The following SMYD3 variants were observed in gnomAD, a reference collection of about 807,000 sequenced individuals.
SMYD3 encodes SET and MYND domain containing 3, also known as histone-lysine N-methyltransferase SMYD3.
In SMYD3, 36 loss-of-function variants were observed where a neutral mutation model predicts 57.7. That is an observed-to-expected ratio of 0.62 (90% confidence interval 0.48 to 0.82). The LOEUF (loss-of-function observed/expected upper bound fraction) is 0.82. Ranked by LOEUF, SMYD3 falls within the 40% of genes least tolerant of loss-of-function variation. The pLI, the probability that SMYD3 is intolerant of heterozygous loss-of-function variation, is 0.00. For missense variants in SMYD3, 515 were observed against 538.8 expected, an observed-to-expected ratio of 0.96 and a Z score of 0.44; for synonymous variants, 211 against 195.0, an observed-to-expected ratio of 1.08 and a Z score of -0.68.
At chr1:246,054,078 C>T (rs1222902289) in intron 5 of SMYD3, among the ~76,000 whole-genome samples, 1 of 152,094 alleles carries the variant, frequency 6.6e-6, no homozygotes, top group Non-Finnish European at 1.5e-5. Flanking sequence ...AACTCAACAA[C>T]ATGAAAACAA....
chr1:245,779,469 C>G (rs1185443084), intron 10 of SMYD3, among the ~76,000 whole-genome samples: 1 of 152,210 alleles, frequency 6.6e-6, no homozygotes, highest in Non-Finnish European at 1.5e-5. Flanking sequence ...CAGGCTAGTT[C>G]TCCATCCTCC....
Position 246,213,410 on chromosome 1 carries a change from G to A in SMYD3, c.531+113791C>T, listed in dbSNP as rs2063118810. ...AAAACTCCAGTGAGTTTTGAGTCAGGTTATCTCCTAAGTCCGTGTTTCCAC... is the reference window on the plus strand; with the variant it reads ...AAAACTCCAGTGAGTTTTGAGTCAGATTATCTCCTAAGTCCGTGTTTCCAC... On this transcript the variant is annotated intron_variant, in intron 5 of 11. Coordinates refer to ENST00000490107, the MANE Select transcript of SMYD3 (RefSeq NM_001167740.2). 1.3e-5 allele frequency among the ~76,000 whole-genome samples: 2 copies of A among 152,186 alleles called. 1 individual carries two copies. Among genetic ancestry groups the A allele is most frequent in the African/African-American group, 4.8e-5 (2 of 41,412 alleles).
chr1:246,500,699 C>G (rs1299253753), intron 1 of SMYD3, among the ~76,000 whole-genome samples: 1 of 148,154 alleles, frequency 6.7e-6, no homozygotes, highest in Non-Finnish European at 1.5e-5. Flanking sequence ...AGCCTCTATC[C>G]CCGTCCCCAT....
intron 8 of SMYD3, among the ~76,000 whole-genome samples, chr1:245,873,045 G>A (rs1285266385): frequency 6.6e-6 from 1 of 151,970 alleles, no homozygotes; most frequent in Admixed American, 6.6e-5. Context: ...AATAAAAACA[G>A]CATCTACACG....
At chr1:246,128,248 A>C (rs2061537239) in intron 5 of SMYD3, among the ~76,000 whole-genome samples, 1 of 152,096 alleles carries the variant, frequency 6.6e-6, no homozygotes, top group Non-Finnish European at 1.5e-5. Flanking sequence ...CTCTATTACG[A>C]TGTTCAGTTT....
intron 1 of SMYD3, among the ~76,000 whole-genome samples, chr1:246,358,145 A>G (rs2065934509): frequency 6.6e-6 from 1 of 152,244 alleles, no homozygotes; most frequent in Non-Finnish European, 1.5e-5. Flanking sequence ...AATGGGCACC[A>G]AAAGTAAGCA....
At chr1:246,486,858 C>T (rs1011726151) in intron 1 of SMYD3, among the ~76,000 whole-genome samples, 1 of 152,190 alleles carries the variant, frequency 6.6e-6, no homozygotes, top group African/African-American at 2.4e-5. Context: ...TGGTATAGTT[C>T]TCCAATATAC....
At chr1:246,246,190 T>C (rs2063700881) in intron 5 of SMYD3, among the ~76,000 whole-genome samples, 1 of 152,192 alleles carries the variant, frequency 6.6e-6, no homozygotes, top group Admixed American at 6.5e-5. Context: ...CATTCAATTA[T>C]GGTGGCTTTC....
chr1:246,310,579 G>A (rs887422780), intron 5 of SMYD3, among the ~76,000 whole-genome samples: 2 of 151,984 alleles, frequency 1.3e-5, no homozygotes, highest in Non-Finnish European at 2.9e-5. Context: ...AATTTGCCAG[G>A]CAGAGCTGAA....
chr1:246,506,987 A>ACCCCCCCCCCCCCCCCCCCCCC, intron 1 of SMYD3, 67 bp downstream of exon 1: 1 of 634,740 alleles, frequency 1.6e-6, no homozygotes, highest in South Asian at 2.2e-5. Flanking sequence ...CGGCCGCCCG[A>ACCCCCCCCCCCCCCCCCCCCCC]CGCCCCCCCC....
chr1:245,856,260 T>G lies in SMYD3; in HGVS notation c.1076+2236A>C, dbSNP rs187902678. ...CTCAACTTTGTTGGTTCTGGTTTAT[T>G]TATAGCCTTTTCCTCAACTACAGCT... On this transcript the variant is annotated intron_variant, in intron 10 of 11. Coordinates refer to ENST00000490107, the MANE Select transcript of SMYD3 (RefSeq NM_001167740.2). 3.8e-3 allele frequency among the ~76,000 whole-genome samples: 573 copies of G among 152,358 alleles called. 2 individuals carry two copies. Among genetic ancestry groups the G allele is most frequent in the Non-Finnish European group, 5.0e-3 (341 of 68,034 alleles).
At chr1:246,479,952 G>T (rs373269694) in intron 1 of SMYD3, among the ~76,000 whole-genome samples, 2 of 151,938 alleles carry the variant, frequency 1.3e-5, no homozygotes, top group Non-Finnish European at 2.9e-5. Context: ...ATTAAATATC[G>T]CAACAAATAC....
chr1:245,932,717 TCTGA>T (rs2056793074), intron 5 of SMYD3, among the ~76,000 whole-genome samples: 1 of 152,096 alleles, frequency 6.6e-6, no homozygotes, highest in Non-Finnish European at 1.5e-5. Context: ...CACCACCACC[TCTGA>T]CTAATTTTTT....
intron 5 of SMYD3, among the ~76,000 whole-genome samples, chr1:245,983,103 GCTGAGAAGACCTCATA>G (rs1211655661): frequency 6.6e-6 from 1 of 152,180 alleles, no homozygotes; most frequent in South Asian, 2.1e-4. Context: ...CATGCTACCA[GCTGAGAAGACCTCATA>G]CTGAAGGTCT....
At chr1:246,146,578 C>A (rs991022429) in intron 5 of SMYD3, among the ~76,000 whole-genome samples, 7 of 152,096 alleles carry the variant, frequency 4.6e-5, no homozygotes. Flanking sequence ...CAGGGTAAGG[C>A]ATAAAAGACT....
chr1:246,047,275 A>G (rs2059985305), intron 5 of SMYD3, among the ~76,000 whole-genome samples: 1 of 152,216 alleles, frequency 6.6e-6, no homozygotes, highest in Non-Finnish European at 1.5e-5. Context: ...GAAAAAGAAA[A>G]GAAAAGAGAA....
intron 5 of SMYD3, among the ~76,000 whole-genome samples, chr1:245,982,733 T>C (rs2058623934): frequency 6.6e-6 from 1 of 152,260 alleles, no homozygotes; most frequent in Non-Finnish European, 1.5e-5. Flanking sequence ...AAAATCTATT[T>C]ACTCCATAGA....
chr1:246,378,331 G>C (rs1344209065), intron 1 of SMYD3, among the ~76,000 whole-genome samples: 6 of 152,130 alleles, frequency 3.9e-5, no homozygotes, highest in Admixed American at 1.3e-4. Flanking sequence ...CTGTGAGGGT[G>C]TTGCCAAAGG....
chr1:246,490,296 G>A (rs1305851320), intron 1 of SMYD3, among the ~76,000 whole-genome samples: 1 of 152,068 alleles, frequency 6.6e-6, no homozygotes, highest in African/African-American at 2.4e-5. Flanking sequence ...AACTAAGAGT[G>A]GTAATAATAA....
Sources: gnomAD v4.1 joint callset for allele counts (sites outside exome capture counted in the v4.1 genomes callset) on GRCh38, gnomAD v4.1.1 for gene constraint, MANE v1.5 for transcripts, NCBI Gene and HGNC (gene_info 2026-07-23, HGNC 2026-07-21) for gene names.